The following MAP3K9 variants were observed in gnomAD, a reference collection of about 807,000 sequenced individuals.
The protein encoded by MAP3K9 is mixed lineage kinase 1 (tyr and ser/thr specificity).
MAP3K9 carries 46 observed loss-of-function variants against 95.8 expected under a neutral mutation model. The ratio of observed to expected loss-of-function variants is 0.48; its 90% CI spans 0.38 to 0.61. The LOEUF (loss-of-function observed/expected upper bound fraction) is 0.61, where lower values mean the gene tolerates loss of function less well. Ranked by LOEUF, MAP3K9 falls within the 20% of genes least tolerant of loss-of-function variation. The pLI is 0.00. For synonymous variants in MAP3K9, 533 were observed against 593.8 expected (o/e 0.90, Z 1.49); for missense variants, 1,296 against 1,474.3 (o/e 0.88, Z 1.98).
Position 70,749,915 on chromosome 14 carries a change from A to C in MAP3K9, c.1150+18T>G. ...AGGCAAAGTGTCTCCAGTTTGGTTC[A>C]GGCCAGGGCTTACTTACCTTCCATG... On this transcript the variant is annotated intron_variant, in intron 4 of 11. Transcript: ENST00000554752. The C allele has an allele frequency of 6.2e-7, 1 of 1,613,978 alleles. No individual in the cohort carries two copies.
At chr14:70,732,099 A>G (rs1380421741) in intron 11 of MAP3K9, among the ~76,000 whole-genome samples, 6 of 152,224 alleles carry the variant, frequency 3.9e-5, no homozygotes, top group Admixed American at 3.3e-4. Flanking sequence ...AACTAATGCT[A>G]TAATGAGAGG....
In MAP3K9 at chr14:70,728,571, C is replaced by T. The variant is rs1348304600; in HGVS notation, c.*1809G>A. 6.6e-6 allele frequency: 1 copy of T among 152,164 alleles called. No homozygotes were observed. Among genetic ancestry groups the T allele is most frequent in the East Asian group, 1.9e-4 (1 of 5,202 alleles). 9.4% of individuals were successfully genotyped at this position (152,164 alleles called of 1,614,324 possible). ...AACAGTATCTTACATATTGGCTTCA[C>T]TGAACAAAGAGAAGGACACAGAAGA... is the stretch of plus-strand genomic sequence containing the variant. On this transcript the variant is annotated 3_prime_UTR_variant, in exon 12 of 12. Coordinates refer to ENST00000554752, the MANE Select transcript of MAP3K9 (RefSeq NM_001284230.2).
rs573621733 is a variant in MAP3K9, at chr14:70,761,686, AC to A, written c.821-505del. Among the ~76,000 whole-genome samples the A allele has an allele frequency of 2.2e-3, 342 of 152,256 alleles. 1 individual carries two copies. The highest frequency in any genetic ancestry group is 7.9e-3 in the African/African-American group (328 of 41,550). Reference sequence around the variant, plus strand: ...CCTCAAATACCGGTATCTACCAAGCACCCGTTGCTACTAATCATTAAAGCAC... The same window carrying A: ...CCTCAAATACCGGTATCTACCAAGCACCGTTGCTACTAATCATTAAAGCAC... On this transcript the variant is annotated intron_variant, in intron 2 of 11. Coordinates refer to ENST00000554752, the MANE Select transcript of MAP3K9 (RefSeq NM_001284230.2).
chr14:70,776,047 A>T (rs148686871), intron 2 of MAP3K9, among the ~76,000 whole-genome samples: 1,825 of 151,750 alleles, frequency 0.012, 48 homozygotes, highest in African/African-American at 0.042. Context: ...AAATTAGCTG[A>T]GCATGATGGC....
intron 2 of MAP3K9, among the ~76,000 whole-genome samples, chr14:70,787,456 C>T (rs971100445): frequency 4.0e-5 from 6 of 150,568 alleles, no homozygotes; most frequent in African/African-American, 7.3e-5. Context: ...TGCAGCAAGC[C>T]GAGATGGCAC....
intron 2 of MAP3K9, among the ~76,000 whole-genome samples, chr14:70,788,805 G>A (rs999081068): frequency 1.3e-5 from 2 of 152,172 alleles, no homozygotes; most frequent in African/African-American, 4.8e-5. Context: ...CTCTTATACA[G>A]AGATGAAAAA....
intron 3 of MAP3K9, among the ~76,000 whole-genome samples, chr14:70,753,206 T>A (rs1206098995): frequency 1.3e-5 from 2 of 152,152 alleles, no homozygotes; most frequent in African/African-American, 4.8e-5. Context: ...CACCAACAAC[T>A]AACCCTCATC....
chr14:70,753,309 T>C (rs574428868), intron 3 of MAP3K9, among the ~76,000 whole-genome samples: 1 of 152,164 alleles, frequency 6.6e-6, no homozygotes, highest in African/African-American at 2.4e-5. Context: ...AGAGCTACAG[T>C]GTTGGTGAGA....
chr14:70,773,986 A>C (rs779484984), intron 2 of MAP3K9, among the ~76,000 whole-genome samples: 3 of 152,240 alleles, frequency 2.0e-5, no homozygotes, highest in Admixed American at 6.5e-5. Context: ...AGACATATCA[A>C]AATTGCAAAT....
At chr14:70,800,118 C>T (rs1214090105) in intron 2 of MAP3K9, among the ~76,000 whole-genome samples, 1 of 152,150 alleles carries the variant, frequency 6.6e-6, no homozygotes, top group African/African-American at 2.4e-5. Flanking sequence ...ATTAATACCA[C>T]CCTTGGGCTA....
chr14:70,808,591 G>A (rs1201225156), intron 1 of MAP3K9, among the ~76,000 whole-genome samples, 175 bp downstream of exon 1: 2 of 152,074 alleles, frequency 1.3e-5, no homozygotes, highest in Non-Finnish European at 2.9e-5. Flanking sequence ...GGCGTCTCGA[G>A]CTTATCCAGC....
At chr14:70,784,465 G>A (rs1031053424) in intron 2 of MAP3K9, among the ~76,000 whole-genome samples, 6 of 151,478 alleles carry the variant, frequency 4.0e-5, no homozygotes, top group Non-Finnish European at 8.8e-5. Flanking sequence ...AGCTGAAGCC[G>A]GGCACAGTGG....
At chr14:70,772,501 C>T (rs2054545059) in intron 2 of MAP3K9, among the ~76,000 whole-genome samples, 2 of 152,268 alleles carry the variant, frequency 1.3e-5, no homozygotes, top group African/African-American at 4.8e-5. Context: ...GCTCAATAAA[C>T]ATTCATCTGG....
intron 2 of MAP3K9, among the ~76,000 whole-genome samples, chr14:70,785,923 A>G (rs750658677): frequency 2.0e-5 from 3 of 152,216 alleles, no homozygotes; most frequent in Non-Finnish European, 2.9e-5. Context: ...ATGAGTAACT[A>G]AAAACAGGGA....
chr14:70,730,774 C>G lies in MAP3K9; in HGVS notation c.2921G>C (p.Arg974Pro). The change falls in exon 12 of 12, where the codon CGC becomes CCC. Residue 974 changes from arginine to proline, a missense_variant. Physicochemically the swap from Arg to Pro is moderately radical, Grantham distance 103 (BLOSUM62 -2). Coordinates refer to ENST00000554752, the MANE Select transcript of MAP3K9 (RefSeq NM_001284230.2). ...GGTAGAGTCCTGCTGAGTGTTCCAG[C>G]GCCTTGGGGTTGGGGGGAAGACCAC... ...PNVVFPPTPR[R>P]WNTQQDSTLE... The G allele has an allele frequency of 6.2e-7, 1 of 1,613,296 alleles. No individual in the cohort carries two copies. Among genetic ancestry groups the G allele is most frequent in the Non-Finnish European group, 8.5e-7 (1 of 1,179,954 alleles).
rs375769231 is a variant in MAP3K9 at position 70,732,931 on chromosome 14, C to T, written c.2438G>A (p.Arg813Gln). The change falls in exon 11 of 12, where the codon CGA (arginine) becomes CAA (glutamine). Residue 813 changes from arginine to glutamine, a missense_variant. Physicochemically the swap from Arg to Gln is conservative, Grantham distance 43 (BLOSUM62 1). This residue lies in a region of MAP3K9 where 433 missense variants were observed against 441.4 expected (regional missense o/e 0.98). Coordinates refer to ENST00000554752, the MANE Select transcript of MAP3K9 (RefSeq NM_001284230.2). Reference sequence around the variant, plus strand: ...GGGCTCCTCCTTCTTGAAAAGCTTTCGGGATGGGGGGCTGGTGCTCCGACG... The same window carrying T: ...GGGCTCCTCCTTCTTGAAAAGCTTTTGGGATGGGGGGCTGGTGCTCCGACG... ...RPRRSTSPPS[R>Q]KLFKKEEPML... 1.1e-5 allele frequency: 18 copies of T among 1,613,860 alleles called. No homozygotes were observed. Among genetic ancestry groups the T allele is most frequent in the Middle Eastern group, 1.6e-4 (1 of 6,082 alleles).
At chr14:70,752,542 T>C (rs1251919668) in intron 3 of MAP3K9, among the ~76,000 whole-genome samples, 4 of 152,172 alleles carry the variant, frequency 2.6e-5, no homozygotes, top group African/African-American at 9.7e-5. Context: ...CTGGGGAGCT[T>C]CTACCAAGTG....
At chr14:70,776,408 C>T (rs1378211850) in intron 2 of MAP3K9, among the ~76,000 whole-genome samples, 1 of 152,160 alleles carries the variant, frequency 6.6e-6, no homozygotes, top group East Asian at 1.9e-4. Context: ...CCCTCCTACA[C>T]TAGGTCTGAA....
intron 2 of MAP3K9, among the ~76,000 whole-genome samples, chr14:70,794,990 C>T (rs1336971227): frequency 6.1e-4 from 47 of 76,794 alleles, no homozygotes; most frequent in Non-Finnish European, 8.7e-4. Context: ...TTTTCTTTTC[C>T]TTTTTTTTTT....
Sources: gnomAD v4.1 joint callset for allele counts (sites outside exome capture counted in the v4.1 genomes callset) on GRCh38, gnomAD v4.1.1 for gene constraint, gnomAD v4.1.1 regional missense constraint, MANE v1.5 for transcripts, NCBI Gene and HGNC (gene_info 2026-07-23, HGNC 2026-07-21) for gene names.